TRPM3: variants seen among roughly 807,000 people sequenced by gnomAD.
TRPM3 encodes the protein long transient receptor potential channel 3.
TRPM3 carries 77 observed loss-of-function variants against 181.2 expected under a neutral mutation model. The observed-to-expected ratio is 0.42, with a 90% CI of 0.35 to 0.51. TRPM3 has a LOEUF of 0.51. Ranked by LOEUF, TRPM3 falls within the 20% of genes least tolerant of loss-of-function variation. The pLI is 0.01. For missense variants in TRPM3, 1,759 were observed against 2,196.7 expected (o/e 0.80, Z 3.98); for synonymous variants, 745 against 796.4 (o/e 0.94, Z 1.09).
chr9:70,894,290 C>T (rs2096252111), intron 1 of TRPM3, among the ~76,000 whole-genome samples: 1 of 152,196 alleles, frequency 6.6e-6, no homozygotes, highest in Non-Finnish European at 1.5e-5. Context: ...GCCCAGGACA[C>T]TACCAGCTAG....
At chr9:71,173,590 C>T (rs879213653) in intron 1 of TRPM3, among the ~76,000 whole-genome samples, 1 of 152,282 alleles carries the variant, frequency 6.6e-6, no homozygotes, top group Admixed American at 6.5e-5. Flanking sequence ...AGATCTATGG[C>T]TGTGTATTGA....
intron 1 of TRPM3, among the ~76,000 whole-genome samples, chr9:71,210,796 G>A (rs553936001): frequency 6.6e-6 from 1 of 152,184 alleles, no homozygotes; most frequent in Non-Finnish European, 1.5e-5. Flanking sequence ...GATGAAAAGG[G>A]AAAGTCTAAG....
At chr9:70,641,521 G>A (rs550519439) in intron 9 of TRPM3, among the ~76,000 whole-genome samples, 2 of 152,224 alleles carry the variant, frequency 1.3e-5, no homozygotes, top group South Asian at 4.2e-4. Context: ...AGAAACCATT[G>A]GAACTATTTC....
intron 1 of TRPM3, among the ~76,000 whole-genome samples, chr9:71,380,835 C>T (rs371022962): frequency 3.3e-5 from 5 of 152,054 alleles, no homozygotes; most frequent in African/African-American, 1.2e-4. Flanking sequence ...ACCCCTGAAG[C>T]TCTCAGCATC....
intron 1 of TRPM3, among the ~76,000 whole-genome samples, chr9:71,155,666 T>C (rs2075966405): frequency 6.6e-6 from 1 of 152,032 alleles, no homozygotes; most frequent in Non-Finnish European, 1.5e-5. Context: ...AAAGTTCCTA[T>C]TTATACTAGA....
intron 21 of TRPM3, among the ~76,000 whole-genome samples, chr9:70,594,775 AG>A (rs1254281674): frequency 1.3e-5 from 2 of 152,228 alleles, no homozygotes; most frequent in Non-Finnish European, 2.9e-5. Flanking sequence ...ACCACAGGGC[AG>A]GGACTCACTT....
At position 71,218,602 on chromosome 9, in the gene TRPM3, T is replaced by C. The variant is rs141804256; in HGVS notation, c.183+228051A>G. Among the ~76,000 whole-genome samples, 159 of 152,302 alleles carry C rather than the reference T, an allele frequency of 1.0e-3. 1 individual carries two copies. Among genetic ancestry groups the C allele is most frequent in the Non-Finnish European group, 1.7e-3 (117 of 68,008 alleles). On this transcript the variant is annotated intron_variant, in intron 1 of 24. Coordinates refer to the TRPM3 transcript ENST00000357533. ...TTCATTTGGCTATCTGATATGACCA[T>C]TCTCTTTTGGTCCTTCTTATAGAAA...
At chr9:70,845,890 A>G (rs1050542368) in intron 4 of TRPM3, among the ~76,000 whole-genome samples, 2 of 152,208 alleles carry the variant, frequency 1.3e-5, no homozygotes, top group Non-Finnish European at 2.9e-5. Context: ...TGTGTCTTCC[A>G]TTGGCACAGT....
Position 71,065,910 on chromosome 9 carries a change from T to C in TRPM3, c.177+55268A>G, listed in dbSNP as rs546921530. 1.4e-4 allele frequency among the ~76,000 whole-genome samples: 22 copies of C among 152,228 alleles called. No homozygotes were observed. In the East Asian group the frequency reaches 3.7e-3, roughly 25 times the overall value. On this transcript the variant is annotated intron_variant, in intron 1 of 25. Transcript: ENST00000677713. ...TGCTAGAAAAACAAGCGATGACATA[T>C]GGCAGTGGGATACTAAGAGAAGAGA...
At chr9:70,977,423 C>T (rs1415411853) in intron 1 of TRPM3, among the ~76,000 whole-genome samples, 1 of 152,228 alleles carries the variant, frequency 6.6e-6, no homozygotes, top group African/African-American at 2.4e-5. Context: ...CGTGAGCCAC[C>T]ACGCCTGGCC....
intron 1 of TRPM3, among the ~76,000 whole-genome samples, chr9:71,420,828 G>GAGA (rs1281329727): frequency 0.026 from 50 of 1,936 alleles, 23 homozygotes; most frequent in Non-Finnish European, 0.032. Context: ...AGAAAGAGAG[G>GAGA]GAAAGAAAGA....
In TRPM3 at chr9:71,002,244, C is replaced by T. The variant is rs147643609; in HGVS notation, c.177+118934G>A. 1.9e-3 allele frequency among the ~76,000 whole-genome samples: 287 copies of T among 152,326 alleles called. 3 individuals carry two copies. The highest frequency in any genetic ancestry group is 5.4e-3 in the East Asian group (28 of 5,178). ...ATCCTTCAGAGTTCACCTTTGAAAT[C>T]ACTTCATCATGGAAGCATAACCTGA... On this transcript the variant is annotated intron_variant, in intron 1 of 25. Transcript: ENST00000677713.
chr9:71,266,015 A>G (rs938283473), intron 1 of TRPM3, among the ~76,000 whole-genome samples: 1 of 152,212 alleles, frequency 6.6e-6, no homozygotes, highest in Non-Finnish European at 1.5e-5. Context: ...TGGCTGGATA[A>G]AGATAACAGG....
At chr9:71,399,521 C>CTTTTTTTTTTTT (rs1415739241) in intron 1 of TRPM3, among the ~76,000 whole-genome samples, 21 of 107,514 alleles carry the variant, frequency 2.0e-4, no homozygotes, top group East Asian at 2.8e-4. Flanking sequence ...CTTATATTTT[C>CTTTTTTTTTTTT]TTTTGTTTTT....
intron 1 of TRPM3, among the ~76,000 whole-genome samples, chr9:70,946,902 A>C (rs1259803369): frequency 6.6e-6 from 1 of 152,188 alleles, no homozygotes; most frequent in African/African-American, 2.4e-5. Context: ...ATGTTGCTGT[A>C]TGGTATACAG....
rs868278533 is a variant in TRPM3, at chr9:71,266,740, C to T, written c.183+179913G>A. Among the ~76,000 whole-genome samples, 5 of 152,258 alleles carry T rather than the reference C, an allele frequency of 3.3e-5. No individual in the cohort carries two copies. In the East Asian group the frequency reaches 9.7e-4, roughly 29 times the overall value. ...GCTTATCCATCTGGCTTAACTGAAACTTTATGTCCATTGATTAGGAACTTC... is the reference window on the plus strand; with the variant it reads ...GCTTATCCATCTGGCTTAACTGAAATTTTATGTCCATTGATTAGGAACTTC... On this transcript the variant is annotated intron_variant, in intron 1 of 24. Transcript: ENST00000357533.
At chr9:71,304,470 C>T (rs1304595748) in intron 1 of TRPM3, among the ~76,000 whole-genome samples, 1 of 152,128 alleles carries the variant, frequency 6.6e-6, no homozygotes, top group African/African-American at 2.4e-5. Context: ...AAGGCATCAA[C>T]CAGATGTCAA....
intron 1 of TRPM3, among the ~76,000 whole-genome samples, chr9:71,221,407 A>G (rs2080232146): frequency 6.6e-6 from 1 of 152,200 alleles, no homozygotes; most frequent in Non-Finnish European, 1.5e-5. Context: ...AATTTCTAGG[A>G]GCCAAATAAA....
At chr9:70,617,129 G>C (rs548821237) in intron 17 of TRPM3, among the ~76,000 whole-genome samples, 1 of 152,312 alleles carries the variant, frequency 6.6e-6, no homozygotes, top group African/African-American at 2.4e-5. Context: ...GAAAATGGCT[G>C]TGAATTCATG....
Sources: allele counts gnomAD v4.1 joint callset (sites outside exome capture counted in the v4.1 genomes callset), GRCh38; gene constraint gnomAD v4.1.1; transcripts MANE v1.5; gene names NCBI Gene and HGNC (gene_info 2026-07-23, HGNC 2026-07-21).